Variants in GABRB2 observed in about 807,000 individuals in gnomAD.
GABRB2 encodes the protein gamma-aminobutyric acid receptor subunit beta-2.
GABRB2 carries 16 observed loss-of-function variants against 54.7 expected under a neutral mutation model. The ratio of observed to expected loss-of-function variants is 0.29; its 90% CI spans 0.20 to 0.44. The LOEUF is 0.44. Ranked by LOEUF, GABRB2 falls within the 20% of genes least tolerant of loss-of-function variation. The pLI, the probability that GABRB2 is intolerant of heterozygous loss-of-function variation, is 1.00. For synonymous variants in GABRB2, 244 were observed against 233.8 expected (o/e 1.04, Z -0.40); for missense variants, 355 against 644.0 (o/e 0.55, Z 4.86).
At chr5:161,331,346 A>T (rs923047045) in intron 7 of GABRB2, among the ~76,000 whole-genome samples, 2 of 152,120 alleles carry the variant, frequency 1.3e-5, no homozygotes, top group East Asian at 3.9e-4. Context: ...TTTTAATTAA[A>T]TTTTTGTATT....
intron 3 of GABRB2, among the ~76,000 whole-genome samples, chr5:161,540,435 T>G (rs1760776136): frequency 6.6e-6 from 1 of 152,232 alleles, no homozygotes; most frequent in Admixed American, 6.5e-5. Context: ...CTTCCTCCAC[T>G]CAGGCCTTGA....
rs187621955 is a variant in GABRB2, at chr5:161,434,261, G to A, written c.459-23204C>T. ...ACCAACAGTTCAGAAAATTTTCATT[G>A]CAATAATAAATGCTATTTATTTGTA... On this transcript the variant is annotated intron_variant, in intron 4 of 9. Transcript: ENST00000393959. Among the ~76,000 whole-genome samples, 14 of 152,150 alleles carry A rather than the reference G, an allele frequency of 9.2e-5. No homozygotes were observed. In the East Asian group the frequency reaches 2.7e-3, roughly 29 times the overall value.
Position 161,483,464 on chromosome 5 carries a change from T to A in GABRB2, c.238-23620A>T, listed in dbSNP as rs186758397. Among the ~76,000 whole-genome samples the A allele has an allele frequency of 5.7e-3, 863 of 151,968 alleles. 6 individuals are homozygous for A. Among genetic ancestry groups the A allele is most frequent in the South Asian group, 0.014 (68 of 4,822 alleles). ...GGGGCAAGGGGGTGGTAGGGGAGGATAAAAGACTAAATAGTAGATGAAATA... is the reference window on the plus strand; with the variant it reads ...GGGGCAAGGGGGTGGTAGGGGAGGAAAAAAGACTAAATAGTAGATGAAATA... On this transcript the variant is annotated intron_variant, in intron 3 of 9. Coordinates refer to ENST00000393959, the MANE Select transcript of GABRB2 (RefSeq NM_001371727.1).
chr5:161,385,174 G>C (rs1300399502), intron 5 of GABRB2, among the ~76,000 whole-genome samples: 1 of 152,142 alleles, frequency 6.6e-6, no homozygotes, highest in Non-Finnish European at 1.5e-5. Context: ...CATCACAAGA[G>C]CTGGGATGAA....
chr5:161,416,575 T>TA (rs200408027), intron 4 of GABRB2, among the ~76,000 whole-genome samples: 3,625 of 151,036 alleles, frequency 0.024, 148 homozygotes, highest in African/African-American at 0.082. Context: ...TTTGAATGTT[T>TA]AAAAAAATTA....
chr5:161,486,710 C>T (rs750159805), intron 3 of GABRB2, among the ~76,000 whole-genome samples: 3 of 151,836 alleles, frequency 2.0e-5, no homozygotes, highest in Non-Finnish European at 4.4e-5. Flanking sequence ...ATGCTTTTCC[C>T]TCCCATTCAG....
At chr5:161,457,093 C>A (rs1164839732) in intron 4 of GABRB2, among the ~76,000 whole-genome samples, 2 of 152,182 alleles carry the variant, frequency 1.3e-5, no homozygotes, top group Non-Finnish European at 2.9e-5. Flanking sequence ...CCCATTGAAG[C>A]TGGAATTGGA....
At chr5:161,315,317 A>G (rs1028830703) in intron 9 of GABRB2, among the ~76,000 whole-genome samples, 4 of 152,172 alleles carry the variant, frequency 2.6e-5, no homozygotes, top group African/African-American at 7.2e-5. Context: ...GCAGGGCAGG[A>G]GATGTCCAGG....
chr5:161,474,030 G>A (rs961980815), intron 3 of GABRB2, among the ~76,000 whole-genome samples: 4 of 151,958 alleles, frequency 2.6e-5, no homozygotes, highest in African/African-American at 9.7e-5. Context: ...AGAGGTGAAT[G>A]TGTAGAAAAG....
intron 3 of GABRB2, among the ~76,000 whole-genome samples, chr5:161,486,940 A>C (rs1339810023): frequency 6.6e-6 from 1 of 151,916 alleles, no homozygotes; most frequent in Non-Finnish European, 1.5e-5. Flanking sequence ...AATCTTTACC[A>C]AATCTAACAG....
At chr5:161,510,282 T>C (rs377243264) in intron 3 of GABRB2, among the ~76,000 whole-genome samples, 1 of 150,870 alleles carries the variant, frequency 6.6e-6, no homozygotes, top group East Asian at 2.0e-4. Flanking sequence ...GTAATCATCC[T>C]TCTACTCTCT....
intron 5 of GABRB2, among the ~76,000 whole-genome samples, chr5:161,383,771 G>A (rs1755541109): frequency 1.3e-5 from 2 of 152,174 alleles, no homozygotes; most frequent in Admixed American, 6.5e-5. Flanking sequence ...GCAATATCAT[G>A]TCATCTAAAC....
intron 4 of GABRB2, among the ~76,000 whole-genome samples, chr5:161,425,293 G>T (rs1011004215): frequency 6.6e-6 from 1 of 152,074 alleles, no homozygotes; most frequent in African/African-American, 2.4e-5. Context: ...ATGCCACAGA[G>T]AAATCTTTTG....
At chr5:161,463,578 T>TATATAG (rs1227864085) in intron 3 of GABRB2, among the ~76,000 whole-genome samples, 10 of 125,610 alleles carry the variant, frequency 8.0e-5, no homozygotes, top group Non-Finnish European at 1.7e-4. Flanking sequence ...TATATATATA[T>TATATAG]ATATATATAT....
chr5:161,546,242 G>A, intron 2 of GABRB2, 80 bp downstream of exon 2: 1 of 1,110,392 alleles, frequency 9.0e-7, no homozygotes, highest in Non-Finnish European at 1.4e-6. Context: ...CCACAACTAG[G>A]GAGAGGGAAG....
At chr5:161,485,675 C>T (rs78442639) in intron 3 of GABRB2, among the ~76,000 whole-genome samples, 1 of 151,840 alleles carries the variant, frequency 6.6e-6, no homozygotes, top group Non-Finnish European at 1.5e-5. Context: ...ACTGACCTAC[C>T]CCTTCTAAGG....
At chr5:161,347,870 T>C (rs1012409889) in intron 5 of GABRB2, among the ~76,000 whole-genome samples, 1 of 152,136 alleles carries the variant, frequency 6.6e-6, no homozygotes. Flanking sequence ...TCCCCATTCA[T>C]TGAATGATTT....
At chr5:161,381,839 C>T (rs915558423) in intron 5 of GABRB2, among the ~76,000 whole-genome samples, 2 of 152,116 alleles carry the variant, frequency 1.3e-5, no homozygotes, top group African/African-American at 4.8e-5. Context: ...GAGCTGTTTC[C>T]TCATCTACTA....
At chr5:161,478,850 A>G (rs1758670755) in intron 3 of GABRB2, among the ~76,000 whole-genome samples, 1 of 152,032 alleles carries the variant, frequency 6.6e-6, no homozygotes, top group Non-Finnish European at 1.5e-5. Context: ...GAGAGACAAA[A>G]AGTGCTATGT....
Sources: gnomAD v4.1 joint callset for allele counts (sites outside exome capture counted in the v4.1 genomes callset) on GRCh38, gnomAD v4.1.1 for gene constraint, MANE v1.5 for transcripts, NCBI Gene and HGNC (gene_info 2026-07-23, HGNC 2026-07-21) for gene names.